The following CREB5 variants were observed in gnomAD, a reference collection of about 807,000 sequenced individuals.
CREB5 encodes cAMP responsive element binding protein 5.
Under a neutral mutation model 57.1 loss-of-function variants are expected in CREB5, and 19 were observed. The ratio of observed to expected loss-of-function variants is 0.33; its 90% confidence interval spans 0.23 to 0.49. CREB5 has a LOEUF of 0.49. CREB5 is among the 20% of genes least tolerant of loss of function. CREB5 has a pLI of 0.99. For missense variants in CREB5, 579 were observed against 671.6 expected, an observed-to-expected ratio of 0.86 and a Z score of 1.52; for synonymous variants, 238 against 238.3, an observed-to-expected ratio of 1.00 and a Z score of 0.01.
rs1211782989 is a variant in CREB5 at position 28,560,938 on chromosome 7, G to A, written c.292-9427G>A. Reference sequence around the variant, plus strand: ...TGCGTGTGTGCGCGTGCGTGTGTGCGTGCGTGTGTGTGCGTGTGTGTGCGT... The same window carrying A: ...TGCGTGTGTGCGCGTGCGTGTGTGCATGCGTGTGTGTGCGTGTGTGTGCGT... On this transcript the variant is annotated intron_variant, in intron 4 of 10. Coordinates refer to ENST00000357727, the MANE Select transcript of CREB5 (RefSeq NM_182898.4). 1.3e-3 allele frequency among the ~76,000 whole-genome samples: 54 copies of A among 40,390 alleles called. 2 individuals carry two copies. Among genetic ancestry groups the A allele is most frequent in the African/African-American group, 2.5e-3 (20 of 7,970 alleles). The allele number at this position is 40,390 out of a possible 152,430, so 26.5% of individuals were successfully genotyped here.
At chr7:28,372,080 A>G (rs1786717642) in intron 1 of CREB5, among the ~76,000 whole-genome samples, 1 of 152,138 alleles carries the variant, frequency 6.6e-6, no homozygotes, top group Admixed American at 6.5e-5. Flanking sequence ...AGCAGTGGGG[A>G]ACATCAGGTC....
At chr7:28,330,073 G>C (rs923183162) in intron 1 of CREB5, among the ~76,000 whole-genome samples, 2 of 152,224 alleles carry the variant, frequency 1.3e-5, no homozygotes, top group Non-Finnish European at 2.9e-5. Flanking sequence ...TGAAGGGCGA[G>C]CGTGGCCCAA....
chr7:28,790,430 G>GAA (rs1227386217), intron 7 of CREB5, among the ~76,000 whole-genome samples: 180 of 36,176 alleles, frequency 5.0e-3, no homozygotes, highest in African/African-American at 0.039. Flanking sequence ...AAGAAAGAAA[G>GAA]AGAGAGAGAG....
At chr7:28,622,940 T>C (rs1327874779) in intron 5 of CREB5, among the ~76,000 whole-genome samples, 1 of 152,194 alleles carries the variant, frequency 6.6e-6, no homozygotes, top group Non-Finnish European at 1.5e-5. Context: ...TGGAGTGCAC[T>C]GGTGCAATCT....
At chr7:28,518,495 G>A (rs886545896) in intron 4 of CREB5, among the ~76,000 whole-genome samples, 3 of 152,156 alleles carry the variant, frequency 2.0e-5, no homozygotes, top group African/African-American at 7.2e-5. Flanking sequence ...TGAACATAAG[G>A]TTATTGCTGA....
rs1281276382 is a variant in CREB5 at position 28,412,615 on chromosome 7, G to C, written c.-300G>C. On this transcript the variant is annotated 5_prime_UTR_variant, in exon 1 of 11. Transcript: ENST00000357727. ...ACATTTTCCATGTCAGTTAAATCTA[G>C]GGAGTTCAAGACTACTGGAAAAATT... is the stretch of plus-strand genomic sequence containing the variant. 1 of 296,446 alleles carries C rather than the reference G, an allele frequency of 3.4e-6. No homozygotes were observed. Among genetic ancestry groups the C allele is most frequent in the Admixed American group, 5.0e-5 (1 of 19,928 alleles). 18.4% of individuals were successfully genotyped at this position (296,446 alleles called of 1,614,324 possible). A position where few individuals can be genotyped will look rare whatever the true frequency, so the allele number is the denominator to read the frequency against.
At chr7:28,668,280 A>G (rs1799902696) in intron 5 of CREB5, among the ~76,000 whole-genome samples, 1 of 152,236 alleles carries the variant, frequency 6.6e-6, no homozygotes, top group Admixed American at 6.5e-5. Context: ...TAATAAAAAG[A>G]GTATAGCATC....
At chr7:28,487,542 C>T (rs867556172) in intron 1 of CREB5, among the ~76,000 whole-genome samples, 1 of 152,164 alleles carries the variant, frequency 6.6e-6, no homozygotes, top group Non-Finnish European at 1.5e-5. Context: ...CTTACTCCTG[C>T]GTACTTGGAT....
chr7:28,642,524 T>A (rs1290058425), intron 5 of CREB5, among the ~76,000 whole-genome samples: 1 of 152,210 alleles, frequency 6.6e-6, no homozygotes, highest in African/African-American at 2.4e-5. Flanking sequence ...GAACTTTTTT[T>A]GCTCTTTCAC....
chr7:28,703,968 G>T (rs992767102), intron 5 of CREB5, among the ~76,000 whole-genome samples: 3 of 152,198 alleles, frequency 2.0e-5, no homozygotes, highest in Non-Finnish European at 2.9e-5. Context: ...TGTCATCTTA[G>T]CTCTTTAGCA....
chr7:28,621,667 T>C (rs1446522184), intron 5 of CREB5, among the ~76,000 whole-genome samples: 3 of 152,162 alleles, frequency 2.0e-5, no homozygotes, highest in African/African-American at 7.2e-5. Context: ...TGCCAGCCCA[T>C]GATCTCACTC....
rs1808565429 is a variant in CREB5 at position 28,804,332 on chromosome 7, A to C, written c.836A>C (p.His279Pro). ...CACCATCACATGCACTCGCACCCGC[A>C]TCAGCACCAGACACTGCCACCCCAT... ...TPHHHMHSHP[H>P]QHQTLPPHHP... The change falls in exon 8 of 11, where the codon CAT becomes CCT. Residue 279 changes from histidine (H) to proline (P), a missense_variant. Coordinates refer to ENST00000357727, the MANE Select transcript of CREB5 (RefSeq NM_182898.4). The C allele has an allele frequency of 6.2e-7, 1 of 1,613,650 alleles. No homozygotes were observed. The highest frequency in any genetic ancestry group is 1.3e-5 in the African/African-American group (1 of 74,846).
intron 1 of CREB5, among the ~76,000 whole-genome samples, chr7:28,464,493 TTGCGTGTGTGTGTGTGTGTGTG>T (rs972552503): frequency 8.4e-5 from 9 of 107,722 alleles, no homozygotes; most frequent in African/African-American, 3.3e-4. Context: ...TTGTGGAAAG[TTGCGTGTGTGTGTGTGTGTGTG>T]TGTGTGTGTG....
At chr7:28,721,571 A>G (rs1803033458) in intron 6 of CREB5, among the ~76,000 whole-genome samples, 1 of 152,240 alleles carries the variant, frequency 6.6e-6, no homozygotes, top group Admixed American at 6.5e-5. Context: ...AAGTGAGGAC[A>G]GGATTCTTCA....
chr7:28,699,587 T>C (rs1441868241), intron 5 of CREB5, among the ~76,000 whole-genome samples: 1 of 152,214 alleles, frequency 6.6e-6, no homozygotes, highest in Non-Finnish European at 1.5e-5. Context: ...ATTGTTAAAA[T>C]CTACCCGCTG....
intron 1 of CREB5, among the ~76,000 whole-genome samples, chr7:28,357,014 A>G (rs917739092): frequency 1.3e-5 from 2 of 151,922 alleles, no homozygotes; most frequent in African/African-American, 4.8e-5. Context: ...GTAACAAGTA[A>G]TAAGACAAAA....
intron 5 of CREB5, among the ~76,000 whole-genome samples, chr7:28,579,705 C>T (rs1225057936): frequency 3.3e-5 from 5 of 152,184 alleles, no homozygotes; most frequent in Admixed American, 3.3e-4. Flanking sequence ...CAGCACTTTA[C>T]AGCTGACCTC....
intron 1 of CREB5, among the ~76,000 whole-genome samples, chr7:28,302,851 G>C (rs1785120868): frequency 6.6e-6 from 1 of 152,128 alleles, no homozygotes; most frequent in Non-Finnish European, 1.5e-5. Context: ...ATCACCTCTT[G>C]TTTGCCCACC....
chr7:28,583,718 G>A (rs1191504328), intron 5 of CREB5, among the ~76,000 whole-genome samples: 2 of 151,828 alleles, frequency 1.3e-5, no homozygotes, highest in Non-Finnish European at 2.9e-5. Flanking sequence ...CGCTCTTGTT[G>A]CCCAGGCTGG....
Sources: gnomAD v4.1 joint callset for allele counts (sites outside exome capture counted in the v4.1 genomes callset) on GRCh38, gnomAD v4.1.1 for gene constraint, MANE v1.5 for transcripts, NCBI Gene and HGNC (gene_info 2026-07-23, HGNC 2026-07-21) for gene names.